Variants in SLC22A11 observed in about 807,000 individuals in gnomAD.
SLC22A11 encodes organic anion transporter 4.
SLC22A11 carries 42 observed loss-of-function variants against 49.4 expected under a neutral mutation model. The observed-to-expected ratio is 0.85, with a 90% CI of 0.66 to 1.10. The LOEUF is 1.10. Among genes scored for constraint, SLC22A11 ranks in the 50% least tolerant of loss-of-function variants. The pLI is 0.00. For synonymous variants in SLC22A11, 304 were observed against 315.8 expected (o/e 0.96, Z 0.40); for missense variants, 685 against 731.6 (o/e 0.94, Z 0.74).
intron 1 of SLC22A11, 29 bp downstream of exon 1, chr11:64,556,421 C>A (rs1010753380): frequency 1.2e-6 from 2 of 1,604,574 alleles, no homozygotes; most frequent in Non-Finnish European, 1.7e-6. Flanking sequence ...CCACTCGAGT[C>A]CCGTCACCTT....
intron 7 of SLC22A11, 149 bp downstream of exon 7, chr11:64,567,962 C>G (rs1437480886): frequency 2.4e-6 from 2 of 839,982 alleles, no homozygotes; most frequent in Non-Finnish European, 3.6e-6. Context: ...ACCTGGAATC[C>G]CTCTCTGTGT....
Position 64,565,848 on chromosome 11 carries a change from G to A in SLC22A11, c.1058+511G>A, listed in dbSNP as rs764938759. ...AAATAATAGAGCCTGCATTGGAACCGGGCTGAGCTAACACTTGGCTTACCG... is the reference window on the plus strand; with the variant it reads ...AAATAATAGAGCCTGCATTGGAACCAGGCTGAGCTAACACTTGGCTTACCG... On this transcript the variant is annotated intron_variant, in intron 6 of 9. Transcript: ENST00000301891. This position sits in a 1 kb window ranked among gnomAD's most constrained non-coding sequence, Gnocchi z 4.1. The A allele has an allele frequency of 2.9e-5, 8 of 274,388 alleles. No homozygotes were observed. The highest frequency in any genetic ancestry group is 5.1e-5 in the Non-Finnish European group (7 of 136,086). The allele number at this position is 274,388 out of a possible 1,614,324, so 17.0% of individuals were successfully genotyped here.
At position 64,565,219 on chromosome 11, in the gene SLC22A11, A is replaced by T; in HGVS notation, c.943-3A>T. 1 of 1,530,926 alleles carries T rather than the reference A, an allele frequency of 6.5e-7. No individual in the cohort carries two copies. The highest frequency in any genetic ancestry group is 8.8e-7 in the Non-Finnish European group (1 of 1,134,190). The allele number at this position is 1,530,926 out of a possible 1,614,324, so 94.8% of individuals were successfully genotyped here. ...TTCACGGTGCCCCCATTCTCCCCGG[A>T]AGGTGCTGATGTCCAGCGTGAAGGA... is the stretch of plus-strand genomic sequence containing the variant. On this transcript the variant is annotated splice_polypyrimidine_tract_variant and splice_region_variant and intron_variant, in intron 5 of 9. Coordinates refer to ENST00000301891, the MANE Select transcript of SLC22A11 (RefSeq NM_018484.4). The surrounding 1 kb of genome is among the most constrained non-coding windows in gnomAD (Gnocchi z 4.1).
At chr11:64,559,999 C>G (rs888856221) in intron 2 of SLC22A11, among the ~76,000 whole-genome samples, 3 of 151,486 alleles carry the variant, frequency 2.0e-5, no homozygotes, top group Admixed American at 6.6e-5. Context: ...GTTCTTGCTC[C>G]CCCTCCTCCC....
rs538126550 is a variant in SLC22A11, at chr11:64,571,372, C to T, written c.*330C>T. ...TCTTTACACCTTCACTCAGCCACGC[C>T]AACCAGAGACTGGGTTCCAATCTCA... On this transcript the variant is annotated 3_prime_UTR_variant, in exon 10 of 10. Transcript: ENST00000301891. The T allele has an allele frequency of 4.9e-4, 150 of 303,932 alleles. No individual in the cohort carries two copies. The highest frequency in any genetic ancestry group is 3.0e-3 in the African/African-American group (141 of 46,822). 18.8% of individuals were successfully genotyped at this position (303,932 alleles called of 1,614,324 possible).
intron 2 of SLC22A11, 147 bp downstream of exon 2, chr11:64,559,385 T>G: frequency 9.4e-6 from 6 of 639,056 alleles, no homozygotes; most frequent in Non-Finnish European, 1.5e-5. Flanking sequence ...CCCCTGGCCA[T>G]CCGAACCAAC....
chr11:64,565,270 CG>C lies in SLC22A11; in HGVS notation c.993del (p.Ser332ArgfsTer21). ...KEEVASAKEPRSVLDLFCVPV... is the reference protein window; with the variant it reads ...KEEVASAKEPXSVLDLFCVPV... ...GGAGGTGGCCTCTGCAAAGGAGCCG[CG>C]GTCGGTGCTGGACCTGTTCTGCGTG... On this transcript the variant is annotated frameshift_variant, in exon 6 of 10. Transcript: ENST00000301891. LOFTEE classifies it high-confidence loss of function. This position sits in a 1 kb window ranked among gnomAD's most constrained non-coding sequence, Gnocchi z 4.1. 1 of 1,550,426 alleles carries C rather than the reference CG, an allele frequency of 6.4e-7. No homozygotes were observed. Among genetic ancestry groups the C allele is most frequent in the Middle Eastern group, 2.3e-4 (1 of 4,438 alleles).
chr11:64,560,639 C>T (rs2038530623), intron 2 of SLC22A11, among the ~76,000 whole-genome samples: 1 of 152,248 alleles, frequency 6.6e-6, no homozygotes, highest in East Asian at 1.9e-4. Flanking sequence ...CCAGGCATGA[C>T]TGTCCCAGCC....
At chr11:64,558,561 C>T (rs376528650) in intron 1 of SLC22A11, among the ~76,000 whole-genome samples, 2 of 152,206 alleles carry the variant, frequency 1.3e-5, no homozygotes, top group Non-Finnish European at 2.9e-5. Flanking sequence ...TCACCCTCAC[C>T]GCTGATGACA....
Position 64,567,809 on chromosome 11 carries a change from G to A in SLC22A11, c.1269G>A (p.Pro423=), listed in dbSNP as rs757451427. 4.4e-6 allele frequency: 7 copies of A among 1,585,654 alleles called. No homozygotes were observed. Among genetic ancestry groups the A allele is most frequent in the African/African-American group, 4.0e-5 (3 of 74,334 alleles). The change falls in exon 7 of 10, where the codon CCG becomes CCA. Residue 423 remains proline (P), a synonymous_variant. Transcript: ENST00000301891. ...CCATTCTAGCCAACATGCTGGTGCCGCAAGGTGAGGCAGGCGGACTGGGCG... is the reference window on the plus strand; with the variant it reads ...CCATTCTAGCCAACATGCTGGTGCCACAAGGTGAGGCAGGCGGACTGGGCG... ...GLAILANMLV[P]QDLQTLRVVF...
chr11:64,556,439 A>G (rs766258554), intron 1 of SLC22A11, 47 bp downstream of exon 1: 3 of 1,593,016 alleles, frequency 1.9e-6, no homozygotes, highest in Non-Finnish European at 2.6e-6. Flanking sequence ...CTTGGAGGTC[A>G]GAGTCATGGA....
rs1392314802 is a variant in SLC22A11 at position 64,565,436 on chromosome 11, C to T, written c.1058+99C>T. On this transcript the variant is annotated intron_variant, in intron 6 of 9. Transcript: ENST00000301891. The surrounding 1 kb of genome is among the most constrained non-coding windows in gnomAD (Gnocchi z 4.1). ...CAGAGCGTCCAGGGGAAACAGCACC[C>T]GCAGGCCTCAAGGGGGTGCATTTCT... 8.2e-6 allele frequency: 8 copies of T among 980,708 alleles called. No homozygotes were observed. Among genetic ancestry groups the T allele is most frequent in the African/African-American group, 3.2e-5 (2 of 62,510 alleles). 60.8% of individuals were successfully genotyped at this position (980,708 alleles called of 1,614,324 possible). A position where few individuals can be genotyped will look rare whatever the true frequency, so the allele number is the denominator to read the frequency against.
chr11:64,557,386 C>T (rs1355278099), intron 1 of SLC22A11, among the ~76,000 whole-genome samples: 1 of 152,136 alleles, frequency 6.6e-6, no homozygotes, highest in Non-Finnish European at 1.5e-5. Flanking sequence ...GGGTGAGGAG[C>T]GGCAGCCTCC....
Position 64,564,866 on chromosome 11 carries a change from G to A in SLC22A11, c.943-356G>A, listed in dbSNP as rs2038601770. Reference sequence around the variant, plus strand: ...TGTAGCACGCACCCACCTCATGGGGGTTCTCGATGTGTCTGGGGAAACAGA... The same window carrying A: ...TGTAGCACGCACCCACCTCATGGGGATTCTCGATGTGTCTGGGGAAACAGA... On this transcript the variant is annotated intron_variant, in intron 5 of 9. Transcript: ENST00000301891. This position sits in a 1 kb window ranked among gnomAD's most constrained non-coding sequence, Gnocchi z 4.2. 6.6e-6 allele frequency among the ~76,000 whole-genome samples: 1 copy of A among 152,164 alleles called. No homozygotes were observed. Among genetic ancestry groups the A allele is most frequent in the African/African-American group, 2.4e-5 (1 of 41,434 alleles).
At chr11:64,568,467 G>A (rs1447493093) in intron 7 of SLC22A11, among the ~76,000 whole-genome samples, 1 of 152,214 alleles carries the variant, frequency 6.6e-6, no homozygotes, top group African/African-American at 2.4e-5. Flanking sequence ...TTCTGCCTGT[G>A]CCCCTCGGGC....
intron 7 of SLC22A11, 75 bp downstream of exon 7, chr11:64,567,888 C>G (rs1042163260): frequency 1.5e-5 from 21 of 1,436,944 alleles, no homozygotes; most frequent in Non-Finnish European, 1.8e-5. Flanking sequence ...CGTGGGGCCA[C>G]ATCCCCTCCC....
intron 4 of SLC22A11, among the ~76,000 whole-genome samples, chr11:64,563,137 G>A (rs184901376): frequency 1.6e-4 from 25 of 152,232 alleles, no homozygotes; most frequent in Admixed American, 1.2e-3. Flanking sequence ...CAGTGGCCCC[G>A]TGGAGCTTAC....
Position 64,562,065 on chromosome 11 carries a change from A to C in SLC22A11, c.559A>C (p.Thr187Pro). The C allele has an allele frequency of 6.2e-7, 1 of 1,613,822 alleles. No homozygotes were observed. The highest frequency in any genetic ancestry group is 1.3e-5 in the African/African-American group (1 of 75,058). The change falls in exon 3 of 10, where the codon ACC (threonine) becomes CCC (proline). Residue 187 changes from threonine to proline, a missense_variant. Thr to Pro is a conservative substitution (Grantham distance 38). Transcript: ENST00000301891. This position sits in a 1 kb window ranked among gnomAD's most constrained non-coding sequence, Gnocchi z 4.4. ...CLQLAVAGTS[T>P]IFAPTFVIYC... ...GCAGTTGGCCGTGGCGGGCACCAGC[A>C]CCATCTTCGCCCCAACATTCGTCAT...
At chr11:64,569,546 A>G (rs2038674671) in intron 8 of SLC22A11, 106 bp from the exon 9 acceptor site, 3 of 1,221,600 alleles carry the variant, frequency 2.5e-6, no homozygotes, top group South Asian at 2.8e-5. Context: ...GAGGAGGGCA[A>G]TTCCCTCAGC....
Sources: allele counts gnomAD v4.1 joint callset (sites outside exome capture counted in the v4.1 genomes callset), GRCh38; gene constraint gnomAD v4.1.1; non-coding constraint Gnocchi (gnomAD v3.1); transcripts MANE v1.5; gene names NCBI Gene and HGNC (gene_info 2026-07-23, HGNC 2026-07-21).